TDRD3: variants seen among roughly 807,000 people sequenced by gnomAD.
TDRD3 encodes tudor domain containing 3.
TDRD3 carries 45 observed loss-of-function variants against 86.7 expected under a neutral mutation model. The observed-to-expected ratio is 0.52, with a 90% CI of 0.41 to 0.67. The LOEUF is 0.67. TDRD3 is among the 30% of genes least tolerant of loss of function. The pLI is 0.00. For missense variants in TDRD3, 814 were observed against 889.0 expected, an observed-to-expected ratio of 0.92 and a Z score of 1.07; for synonymous variants, 298 against 301.7, an observed-to-expected ratio of 0.99 and a Z score of 0.13.
chr13:60,403,010 T>C (rs1325270587), intron 1 of TDRD3, among the ~76,000 whole-genome samples: 4 of 152,240 alleles, frequency 2.6e-5, no homozygotes, highest in Admixed American at 1.3e-4. Flanking sequence ...CCTTGCCGAC[T>C]TTCTGTCTCA....
At chr13:60,548,361 A>AT (rs1430607720) in intron 12 of TDRD3, among the ~76,000 whole-genome samples, 1 of 152,110 alleles carries the variant, frequency 6.6e-6, no homozygotes, top group African/African-American at 2.4e-5. Flanking sequence ...TGATCAAGGG[A>AT]TTTTTATGAG....
chr13:60,518,236 T>A (rs561920786), intron 10 of TDRD3, among the ~76,000 whole-genome samples: 16 of 152,280 alleles, frequency 1.1e-4, no homozygotes, highest in Middle Eastern at 6.8e-3. Context: ...CTGTAAGTGC[T>A]CCCAGCCCTG....
intron 7 of TDRD3, among the ~76,000 whole-genome samples, chr13:60,494,221 T>C (rs1377887927): frequency 6.6e-6 from 1 of 152,236 alleles, no homozygotes; most frequent in African/African-American, 2.4e-5. Flanking sequence ...AATCATGTAA[T>C]TATTTTTATT....
At chr13:60,509,717 C>A (rs1445871294) in intron 8 of TDRD3, 46 bp from the exon 9 acceptor site, 5 of 1,610,840 alleles carry the variant, frequency 3.1e-6, no homozygotes, top group Non-Finnish European at 4.2e-6. Context: ...TTATGCCTTG[C>A]CTTATCTGTG....
intron 10 of TDRD3, among the ~76,000 whole-genome samples, chr13:60,518,587 A>C (rs1957220870): frequency 6.6e-6 from 1 of 152,376 alleles, no homozygotes; most frequent in Non-Finnish European, 1.5e-5. Flanking sequence ...AAGTCATTAT[A>C]GTATTTTGAC....
At chr13:60,470,590 GTTTTT>G (rs71092676) in intron 5 of TDRD3, among the ~76,000 whole-genome samples, 1 of 93,506 alleles carries the variant, frequency 1.1e-5, no homozygotes, top group East Asian at 3.1e-4. Context: ...TTATAGTTGG[GTTTTT>G]TTTTTTTTTT....
chr13:60,451,394 A>C (rs1955537813), intron 3 of TDRD3, among the ~76,000 whole-genome samples: 1 of 152,166 alleles, frequency 6.6e-6, no homozygotes, highest in Non-Finnish European at 1.5e-5. Context: ...CTGGTACAAG[A>C]AATAGTGTTA....
chr13:60,546,556 A>G (rs774183380), intron 12 of TDRD3, among the ~76,000 whole-genome samples: 59 of 152,122 alleles, frequency 3.9e-4, no homozygotes, highest in Non-Finnish European at 6.9e-4. Context: ...GAAAATATTT[A>G]AAGTGGTCAT....
intron 8 of TDRD3, among the ~76,000 whole-genome samples, chr13:60,500,229 G>A (rs538305993): frequency 1.3e-5 from 2 of 152,264 alleles, no homozygotes; most frequent in Admixed American, 1.3e-4. Context: ...TGAACTGGGT[G>A]CTTTCTGACC....
At chr13:60,404,380 G>C (rs1237054611) in intron 1 of TDRD3, among the ~76,000 whole-genome samples, 2 of 146,466 alleles carry the variant, frequency 1.4e-5, no homozygotes, top group South Asian at 4.3e-4. Context: ...GCGGGATCTC[G>C]GCTCACTGCA....
At chr13:60,531,161 G>C (rs902948551) in intron 11 of TDRD3, among the ~76,000 whole-genome samples, 1 of 152,182 alleles carries the variant, frequency 6.6e-6, no homozygotes, top group Non-Finnish European at 1.5e-5. Flanking sequence ...CTCTGGAAAA[G>C]CAAAAGCCTT....
Position 60,427,834 on chromosome 13 carries a change from T to A in TDRD3, c.42-11854T>A, listed in dbSNP as rs907695343. Reference sequence around the variant, plus strand: ...GCCTTTCAAAATAATGTTTTTTATTTAATTAAATCAATACTTCTCAAGTAA... The same window carrying A: ...GCCTTTCAAAATAATGTTTTTTATTAAATTAAATCAATACTTCTCAAGTAA... On this transcript the variant is annotated intron_variant, in intron 1 of 13. Transcript: ENST00000377881. Among the ~76,000 whole-genome samples, 14 of 152,374 alleles carry A rather than the reference T, an allele frequency of 9.2e-5. 1 individual carries two copies. Among genetic ancestry groups the A allele is most frequent in the African/African-American group, 3.4e-4 (14 of 41,590 alleles).
intron 12 of TDRD3, among the ~76,000 whole-genome samples, chr13:60,538,449 T>G (rs1566285592): frequency 6.6e-6 from 1 of 151,886 alleles, no homozygotes; most frequent in Non-Finnish European, 1.5e-5. Flanking sequence ...GCAGTGAACT[T>G]TCTAGTTAAC....
Position 60,439,688 on chromosome 13 carries a change from G to T in TDRD3, c.42G>T (p.Trp14Cys), listed in dbSNP as rs1346676815. 6.5e-7 allele frequency: 1 copy of T among 1,532,940 alleles called. No individual in the cohort carries two copies. Among genetic ancestry groups the T allele is most frequent in the Non-Finnish European group, 8.8e-7 (1 of 1,140,822 alleles). 95.0% of individuals were successfully genotyped at this position (1,532,940 alleles called of 1,614,324 possible). A position where few individuals can be genotyped will look rare whatever the true frequency, so the allele number is the denominator to read the frequency against. Residue 14 changes from tryptophan to cysteine, a missense_variant and splice_region_variant, in exon 2 of 14, where the codon TGG becomes TGT. By Grantham distance (215) the Trp-to-Cys change is radical. Transcript: ENST00000377881. The stretch of plus-strand genomic sequence containing the variant: ...TAAGCCATTTATTTTATTTTAACAG[G>T]TATCTTTCAGATGAAGGCATTGAAG... The part of the protein sequence containing the change: ...VAGAALSQAG[W>C]YLSDEGIEAC...
At chr13:60,544,003 T>G (rs533160526) in intron 12 of TDRD3, among the ~76,000 whole-genome samples, 8 of 150,872 alleles carry the variant, frequency 5.3e-5, no homozygotes, top group African/African-American at 1.9e-4. Context: ...ATAACCTACA[T>G]GAAGTTTATA....
chr13:60,567,579 C>T lies in TDRD3; in HGVS notation c.2173C>T (p.Gln725Ter). The change falls in exon 13 of 14, where the codon CAG becomes TAG. Residue 725 changes from glutamine (Q) to a stop codon, truncating the protein, a stop_gained. Coordinates refer to ENST00000377881, the MANE Select transcript of TDRD3 (RefSeq NM_001146070.2). LOFTEE classifies it high-confidence loss of function. ...TLEFRRGGDG[Q>*]PRRSTRPTQQ... is the part of the protein sequence containing the mutation. ...GGAGTTCCGTAGGGGAGGTGATGGC[C>T]AGCCAAGACGATCCACTCGGCCAAC... is the stretch of plus-strand genomic sequence containing the variant. The T allele has an allele frequency of 1.2e-6, 2 of 1,614,114 alleles. No individual in the cohort carries two copies. The highest frequency in any genetic ancestry group is 1.7e-6 in the Non-Finnish European group (2 of 1,180,022).
In TDRD3 at chr13:60,420,943, C is replaced by CA. The variant is rs796665829; in HGVS notation, c.42-18736dup. On this transcript the variant is annotated intron_variant, in intron 1 of 13. Coordinates refer to ENST00000377881, the MANE Select transcript of TDRD3 (RefSeq NM_001146070.2). ...TAGGTGACAGACTGAGACTCCGTCT[C>CA]AAAAAAAAAGAAAATCTGTTGACCG... Among the ~76,000 whole-genome samples, 8 of 150,432 alleles carry CA rather than the reference C, an allele frequency of 5.3e-5. No homozygotes were observed. In the South Asian group the frequency reaches 6.3e-4, roughly 12 times the overall value.
intron 1 of TDRD3, among the ~76,000 whole-genome samples, chr13:60,398,794 C>T (rs1357973217): frequency 6.6e-6 from 1 of 152,162 alleles, no homozygotes; most frequent in African/African-American, 2.4e-5. Flanking sequence ...ACAGCATGGG[C>T]GTAAAAGATT....
chr13:60,454,392 A>G (rs116415861), intron 3 of TDRD3, among the ~76,000 whole-genome samples: 2,960 of 152,114 alleles, frequency 0.019, 90 homozygotes, highest in African/African-American at 0.068. Flanking sequence ...AATTTTTTTT[A>G]ATAATTTTTT....
Sources: allele counts gnomAD v4.1 joint callset (sites outside exome capture counted in the v4.1 genomes callset), GRCh38; gene constraint gnomAD v4.1.1; transcripts MANE v1.5; gene names NCBI Gene and HGNC (gene_info 2026-07-23, HGNC 2026-07-21).